Variants in KLF17 observed in about 807,000 individuals in gnomAD.
KLF17 encodes the protein Krueppel-like factor 17.
Under a neutral mutation model 34.2 loss-of-function variants are expected in KLF17, and 31 were observed. That is an observed-to-expected ratio of 0.91 (90% CI 0.68 to 1.22). KLF17 has a LOEUF of 1.22. Among genes scored for constraint, KLF17 ranks in the 50% most tolerant of loss-of-function variants. The probability of loss-of-function intolerance (pLI) is 0.00; values close to 1 mark genes in which losing one functional copy is unlikely to be tolerated. For missense variants in KLF17, 478 were observed against 505.2 expected, an observed-to-expected ratio of 0.95 and a Z score of 0.52; for synonymous variants, 179 against 186.7, an observed-to-expected ratio of 0.96 and a Z score of 0.34.
At chr1:44,054,744 G>A in the KLF17 span, among the ~76,000 whole-genome samples, 1 of 148,152 alleles carries the variant, frequency 6.7e-6, no homozygotes, top group African/African-American at 2.5e-5. Context: ...GCCTCCCAGA[G>A]TGCTGGGATT....
chr1:44,123,045 C>G (rs569919279), intron 1 of KLF17, among the ~76,000 whole-genome samples: 2 of 151,520 alleles, frequency 1.3e-5, no homozygotes, highest in Non-Finnish European at 2.9e-5. Context: ...TTAATTTATT[C>G]ACTTCTATTA....
At chr1:44,113,101 G>C in the KLF17 span, among the ~76,000 whole-genome samples, 3 of 152,160 alleles carry the variant, frequency 2.0e-5, no homozygotes, top group Admixed American at 6.5e-5. Flanking sequence ...AAGTTGATTT[G>C]TTCAAAAATT....
chr1:44,102,046 A>AAAACAAACAAAC, the KLF17 span, among the ~76,000 whole-genome samples: 3,683 of 151,450 alleles, frequency 0.024, 68 homozygotes, highest in Middle Eastern at 0.038. Context: ...CCCTGTCTCA[A>AAAACAAACAAAC]AAACAAACAA....
chr1:44,055,805 C>A, the KLF17 span, among the ~76,000 whole-genome samples: 7 of 152,136 alleles, frequency 4.6e-5, no homozygotes, highest in Non-Finnish European at 8.8e-5. Flanking sequence ...GTCTGGATTC[C>A]TACAATCCTG....
At chr1:44,109,724 C>T in the KLF17 span, among the ~76,000 whole-genome samples, 1 of 152,074 alleles carries the variant, frequency 6.6e-6, no homozygotes, top group African/African-American at 2.4e-5. Flanking sequence ...CTTTATCAAT[C>T]ACCCTCTTTC....
the KLF17 span, among the ~76,000 whole-genome samples, chr1:44,097,004 A>T: frequency 6.6e-6 from 1 of 152,166 alleles, no homozygotes; most frequent in African/African-American, 2.4e-5. Flanking sequence ...TAATTTTTGT[A>T]TAAGGTGTAA....
chr1:44,114,015 A>T (rs1469106234), upstream of KLF17: 1 of 152,184 alleles, frequency 6.6e-6, no homozygotes, highest in Non-Finnish European at 1.5e-5. Flanking sequence ...CTGTCAGGGG[A>T]GGATAGGGTG....
intron 3 of KLF17, among the ~76,000 whole-genome samples, chr1:44,132,423 A>C (rs1211490001): frequency 1.3e-5 from 2 of 152,120 alleles, no homozygotes; most frequent in Admixed American, 1.3e-4. Context: ...TCTCCAAAAC[A>C]GTACCATCAA....
At chr1:44,077,115 C>T in the KLF17 span, among the ~76,000 whole-genome samples, 3,080 of 151,464 alleles carry the variant, frequency 0.02, 49 homozygotes, top group Middle Eastern at 0.037. Context: ...AAGGCCGAGG[C>T]GGGCAGATTA....
At chr1:44,095,081 T>G in the KLF17 span, among the ~76,000 whole-genome samples, 1 of 151,916 alleles carries the variant, frequency 6.6e-6, no homozygotes, top group African/African-American at 2.4e-5. Flanking sequence ...TTTTGTATTT[T>G]TAGTAGAGAC....
the KLF17 span, among the ~76,000 whole-genome samples, chr1:44,108,660 C>CTTTTTTTTTT: frequency 1.2e-4 from 9 of 75,334 alleles, 1 homozygote; most frequent in Admixed American, 1.9e-4. Flanking sequence ...TTTGTTAGCT[C>CTTTTTTTTTT]TTTTTTTTTT....
chr1:44,129,245 G>A lies in KLF17; in HGVS notation c.82-108G>A, dbSNP rs189487421. On this transcript the variant is annotated intron_variant, in intron 1 of 3. Transcript: ENST00000372299. ...ATGGTCTGGAGGCAGGATAATTCAA[G>A]CAAGAGATGGAAATAGAGGGCTGGA... 363 of 1,320,980 alleles carry A rather than the reference G, an allele frequency of 2.7e-4. 1 individual carries two copies. The African/African-American group carries it at 5.0e-3, about 18-fold the overall frequency. 81.8% of individuals were successfully genotyped at this position (1,320,980 alleles called of 1,614,324 possible). A position where few individuals can be genotyped will look rare whatever the true frequency, so the allele number is the denominator to read the frequency against.
chr1:44,128,620 G>A (rs1017037836), intron 1 of KLF17, among the ~76,000 whole-genome samples: 7 of 152,168 alleles, frequency 4.6e-5, no homozygotes, highest in Non-Finnish European at 7.3e-5. Context: ...TTTTGCCAAA[G>A]CCGAGACCCA....
At chr1:44,075,652 C>T in the KLF17 span, among the ~76,000 whole-genome samples, 2 of 152,124 alleles carry the variant, frequency 1.3e-5, no homozygotes, top group East Asian at 1.9e-4. Flanking sequence ...TCTGAGAATC[C>T]TATTTTGTTC....
At chr1:44,055,846 C>T in the KLF17 span, among the ~76,000 whole-genome samples, 6 of 152,154 alleles carry the variant, frequency 3.9e-5, no homozygotes, top group Non-Finnish European at 5.9e-5. Context: ...CCTTATTTTA[C>T]CTGTAAAGAA....
the KLF17 span, among the ~76,000 whole-genome samples, chr1:44,053,234 A>G: frequency 1.7e-4 from 26 of 152,198 alleles, 1 homozygote; most frequent in African/African-American, 5.5e-4. Flanking sequence ...ATATTGTACA[A>G]TTAGAATTTG....
At chr1:44,123,052 A>G (rs76127942) in intron 1 of KLF17, among the ~76,000 whole-genome samples, 9,203 of 152,100 alleles carry the variant, frequency 0.061, 644 homozygotes, top group African/African-American at 0.17. Context: ...ATTCACTTCT[A>G]TTAGCAATCT....
At chr1:44,126,413 C>T (rs1353245914) in intron 1 of KLF17, among the ~76,000 whole-genome samples, 3 of 152,200 alleles carry the variant, frequency 2.0e-5, no homozygotes, top group African/African-American at 7.2e-5. Flanking sequence ...GTAGCTACTA[C>T]CTACCTAAGA....
chr1:44,090,880 G>A, the KLF17 span, among the ~76,000 whole-genome samples: 4 of 151,552 alleles, frequency 2.6e-5, no homozygotes, highest in Non-Finnish European at 4.4e-5. Context: ...ACACAAAACA[G>A]AACCCAAAAC....
Sources: gnomAD v4.1 joint callset for allele counts (sites outside exome capture counted in the v4.1 genomes callset) on GRCh38, gnomAD v4.1.1 for gene constraint, MANE v1.5 for transcripts, NCBI Gene and HGNC (gene_info 2026-07-23, HGNC 2026-07-21) for gene names.